The following TMED8 variants were observed in gnomAD, a reference collection of about 807,000 sequenced individuals.
TMED8 encodes the protein protein TMED8.
A neutral mutation model predicts 32.7 loss-of-function variants in TMED8; 15 were observed. The ratio of observed to expected loss-of-function variants is 0.46; its 90% CI spans 0.31 to 0.71. The LOEUF (loss-of-function observed/expected upper bound fraction) is 0.71, where lower values mean the gene tolerates loss of function less well. Among genes scored for constraint, TMED8 ranks in the 30% least tolerant of loss-of-function variants. The probability of loss-of-function intolerance (pLI) is 0.06; values close to 1 mark genes in which losing one functional copy is unlikely to be tolerated. For synonymous variants in TMED8, 147 were observed against 161.4 expected (o/e 0.91, Z 0.68); for missense variants, 390 against 423.9 (o/e 0.92, Z 0.70).
rs183479441 is a variant in TMED8, at chr14:77,362,193, C to T, written c.119-10442G>A. ...CTTCTACCATTCAGCTAATTGTATG[C>T]CTTTTTTTTTTCTTGTCTGCTTGCT... On this transcript the variant is annotated intron_variant, in intron 1 of 5. Transcript: ENST00000216468. Among the ~76,000 whole-genome samples the T allele has an allele frequency of 3.4e-3, 508 of 151,254 alleles. 2 individuals are homozygous for T. Among genetic ancestry groups the T allele is most frequent in the Middle Eastern group, 0.028 (8 of 288 alleles).
Position 77,376,036 on chromosome 14 carries a change from T to A in TMED8, c.118+900A>T, listed in dbSNP as rs1209801948. Among the ~76,000 whole-genome samples, 1 of 152,190 alleles carries A rather than the reference T, an allele frequency of 6.6e-6. No homozygotes were observed. The highest frequency in any genetic ancestry group is 1.5e-5 in the Non-Finnish European group (1 of 68,046). Reference sequence around the variant, plus strand: ...TATTTTAATTTCAGACCTAGAAAATTAATTTATATTTGCTACTTAAATAAG... The same window carrying A: ...TATTTTAATTTCAGACCTAGAAAATAAATTTATATTTGCTACTTAAATAAG... On this transcript the variant is annotated intron_variant, in intron 1 of 5. Coordinates refer to ENST00000216468, the MANE Select transcript of TMED8 (RefSeq NM_213601.3). The surrounding 1 kb of genome is among the most constrained non-coding windows in gnomAD (Gnocchi z 4.0).
In TMED8 at chr14:77,345,616, C is replaced by T. The variant is rs1485663628; in HGVS notation, c.327+733G>A. Among the ~76,000 whole-genome samples, 3 of 145,868 alleles carry T rather than the reference C, an allele frequency of 2.1e-5. No homozygotes were observed. The Admixed American group carries it at 2.1e-4, about 10-fold the overall frequency. ...TTGAGGCTGCAGTGAGCCATGACTG[C>T]ACCATCGCACTGAAGCCGGGTGACA... On this transcript the variant is annotated intron_variant, in intron 3 of 5. Transcript: ENST00000216468.
chr14:77,346,386 T>A lies in TMED8; in HGVS notation c.290A>T (p.Asp97Val), dbSNP rs566536583. The A allele has an allele frequency of 5.6e-6, 9 of 1,614,106 alleles. No individual in the cohort carries two copies. The African/African-American group carries it at 1.2e-4, about 22-fold the overall frequency. Residue 97 changes from aspartate (D) to valine (V), a missense_variant, in exon 3 of 6, where the codon GAT (aspartate) becomes GTT (valine). Coordinates refer to ENST00000216468, the MANE Select transcript of TMED8 (RefSeq NM_213601.3). ...CTGGGCCTGGTCTGCAGGCAGCAAA[T>A]CCTGTTTCACCAAGGCCTGAGCCTC... ...PLEAQALVKQDLLPADQAQVL... is the reference protein window; with the variant it reads ...PLEAQALVKQVLLPADQAQVL...
chr14:77,344,722 G>A (rs1432588306), intron 3 of TMED8, among the ~76,000 whole-genome samples: 2 of 152,198 alleles, frequency 1.3e-5, no homozygotes, highest in African/African-American at 2.4e-5. Context: ...CAGCAATCCA[G>A]TTAAGAGGCT....
At chr14:77,373,489 T>G (rs1463795701) in intron 1 of TMED8, among the ~76,000 whole-genome samples, 1 of 152,154 alleles carries the variant, frequency 6.6e-6, no homozygotes, top group African/African-American at 2.4e-5. Context: ...CCATGACCAC[T>G]GGAGAGCTTA....
chr14:77,349,731 G>T (rs1490965021), intron 2 of TMED8, among the ~76,000 whole-genome samples: 1 of 152,034 alleles, frequency 6.6e-6, no homozygotes, highest in African/African-American at 2.4e-5. Flanking sequence ...TTTCTTCACT[G>T]CACCTATTAC....
chr14:77,345,338 G>C (rs990888630), intron 3 of TMED8, among the ~76,000 whole-genome samples: 4 of 152,184 alleles, frequency 2.6e-5, no homozygotes, highest in African/African-American at 9.7e-5. Context: ...TGACAAGGTT[G>C]TTCTCAGGAG....
chr14:77,352,336 C>A (rs1007012846), intron 1 of TMED8, among the ~76,000 whole-genome samples: 1 of 151,984 alleles, frequency 6.6e-6, no homozygotes, highest in Non-Finnish European at 1.5e-5. Context: ...ATCACTTGAA[C>A]CCGGGAGGCG....
At chr14:77,347,278 A>G (rs1407013131) in intron 2 of TMED8, among the ~76,000 whole-genome samples, 1 of 152,220 alleles carries the variant, frequency 6.6e-6, no homozygotes, top group East Asian at 1.9e-4. Flanking sequence ...GCACCAAAAC[A>G]AAGTACAAAA....
intron 1 of TMED8, 22 bp from the exon 2 acceptor site, chr14:77,351,773 G>T (rs1288373793): frequency 2.5e-6 from 4 of 1,582,896 alleles, no homozygotes; most frequent in African/African-American, 1.4e-5. Flanking sequence ...TAGAAAGAAA[G>T]AATTCAATAT....
At chr14:77,351,779 A>C (rs1323999835) in intron 1 of TMED8, 28 bp from the exon 2 acceptor site, 2 of 1,570,562 alleles carry the variant, frequency 1.3e-6, no homozygotes, top group Admixed American at 1.7e-5. Flanking sequence ...GAAAGAATTC[A>C]ATATCTGAGA....
intron 5 of TMED8, among the ~76,000 whole-genome samples, chr14:77,342,760 G>C (rs1892935779): frequency 6.6e-6 from 1 of 152,206 alleles, no homozygotes; most frequent in Non-Finnish European, 1.5e-5. Context: ...GGGATAAGGA[G>C]AGAATGGATA....
Position 77,340,515 on chromosome 14 carries a change from C to T in TMED8, c.*1256G>A, listed in dbSNP as rs146575998. 6.6e-6 allele frequency: 1 copy of T among 152,232 alleles called. No individual in the cohort carries two copies. The highest frequency in any genetic ancestry group is 1.5e-5 in the Non-Finnish European group (1 of 68,062). The allele number at this position is 152,232 out of a possible 1,614,324, so 9.4% of individuals were successfully genotyped here. A position where few individuals can be genotyped will look rare whatever the true frequency, so the allele number is the denominator to read the frequency against. The stretch of plus-strand genomic sequence containing the variant: ...GACTGCTGAGGTCCCATCTCACCTC[C>T]GTCTCCTCCTCCGCCTGGGGGCCCA... On this transcript the variant is annotated 3_prime_UTR_variant, in exon 6 of 6. Coordinates refer to ENST00000216468, the MANE Select transcript of TMED8 (RefSeq NM_213601.3).
chr14:77,348,410 A>T (rs1289853953), intron 2 of TMED8, among the ~76,000 whole-genome samples: 1 of 152,002 alleles, frequency 6.6e-6, no homozygotes, highest in Non-Finnish European at 1.5e-5. Context: ...TTTTTAGTAG[A>T]GACGTGGTTT....
intron 1 of TMED8, among the ~76,000 whole-genome samples, chr14:77,372,937 TATATATATA>T (rs1893717964): frequency 8.8e-5 from 3 of 34,104 alleles, no homozygotes; most frequent in Admixed American, 2.8e-4. Context: ...TATATATATA[TATATATATA>T]TATATATTTT....
chr14:77,356,515 A>G (rs1222550505), intron 1 of TMED8, among the ~76,000 whole-genome samples: 2 of 152,202 alleles, frequency 1.3e-5, no homozygotes, highest in African/African-American at 2.4e-5. Flanking sequence ...TCCATGCCCT[A>G]CCTTCTTGCC....
Position 77,377,077 on chromosome 14 carries a change from C to T in TMED8, c.-24G>A. The T allele has an allele frequency of 7.6e-7, 1 of 1,319,164 alleles. No individual in the cohort carries two copies. The highest frequency in any genetic ancestry group is 9.7e-7 in the Non-Finnish European group (1 of 1,025,678). The allele number at this position is 1,319,164 out of a possible 1,614,324, so 81.7% of individuals were successfully genotyped here. A position where few individuals can be genotyped will look rare whatever the true frequency, so the allele number is the denominator to read the frequency against. On this transcript the variant is annotated 5_prime_UTR_variant, in exon 1 of 6. Transcript: ENST00000216468. ...ATCTGCAGCCCGCGCACGGAGCTCT[C>T]CGCTGCCAGCCGCGAGTGGCTCCGG...
rs1892964986 is a variant in TMED8, at chr14:77,343,745, G to A, written c.406C>T (p.Leu136Phe). ...TCTGCAGATTCCAAATCAGCTGAAA[G>A]AACATCTATAGCTCCTGTATGTTCA... The part of the protein sequence containing the change: ...QSEHTGAIDV[L>F]SADLESADLL... The change falls in exon 4 of 6, where the codon CTT becomes TTT. Residue 136 changes from leucine (L) to phenylalanine (F), a missense_variant. Coordinates refer to ENST00000216468, the MANE Select transcript of TMED8 (RefSeq NM_213601.3). 6.2e-7 allele frequency: 1 copy of A among 1,614,042 alleles called. No individual in the cohort carries two copies. The highest frequency in any genetic ancestry group is 1.7e-5 in the Admixed American group (1 of 59,992).
At chr14:77,347,197 T>A (rs1276107064) in intron 2 of TMED8, among the ~76,000 whole-genome samples, 1 of 152,032 alleles carries the variant, frequency 6.6e-6, no homozygotes, top group Non-Finnish European at 1.5e-5. Flanking sequence ...ATTGGTAGAA[T>A]CTCAGTTCAG....
Sources: gnomAD v4.1 joint callset for allele counts (sites outside exome capture counted in the v4.1 genomes callset) on GRCh38, gnomAD v4.1.1 for gene constraint, Gnocchi (gnomAD v3.1) non-coding constraint, MANE v1.5 for transcripts, NCBI Gene and HGNC (gene_info 2026-07-23, HGNC 2026-07-21) for gene names.